Variants in MKLN1 observed in about 807,000 individuals in gnomAD.
MKLN1 encodes the protein muskelin 1.
In MKLN1, 18 loss-of-function variants were observed where a neutral mutation model predicts 99.0. That is an observed-to-expected ratio of 0.18 (90% confidence interval 0.13 to 0.27). The LOEUF is 0.27. MKLN1 is among the 10% of genes least tolerant of loss of function. MKLN1 has a pLI of 1.00. For synonymous variants in MKLN1, 288 were observed against 293.2 expected (o/e 0.98, Z 0.18); for missense variants, 621 against 875.9 (o/e 0.71, Z 3.67).
intron 1 of MKLN1, among the ~76,000 whole-genome samples, chr7:131,353,759 T>C (rs1158099986): frequency 1.3e-5 from 2 of 151,908 alleles, no homozygotes; most frequent in African/African-American, 4.8e-5. Context: ...ATATTTTACA[T>C]TTTCATTCAT....
intron 3 of MKLN1, among the ~76,000 whole-genome samples, chr7:131,228,435 T>A (rs945632291): frequency 6.6e-6 from 1 of 152,206 alleles, no homozygotes; most frequent in African/African-American, 2.4e-5. Flanking sequence ...ATGTCAACAT[T>A]TAAAAAATAG....
rs1795179672 is a variant in MKLN1, at chr7:131,110,621, A to G, written c.-419+414A>G. 2.6e-5 allele frequency among the ~76,000 whole-genome samples: 4 copies of G among 152,192 alleles called. 1 individual carries two copies. In the South Asian group the frequency reaches 8.3e-4, roughly 32 times the overall value. On this transcript the variant is annotated intron_variant, in intron 1 of 7. Coordinates refer to the MKLN1 transcript ENST00000416992. ...AGGGATGGGAAACCTGCCCAACCTC[A>G]CTTTAGCCACGAAAATAATGCTCTT...
chr7:131,246,564 C>T (rs1235330901), intron 3 of MKLN1, among the ~76,000 whole-genome samples: 1 of 151,382 alleles, frequency 6.6e-6, no homozygotes, highest in African/African-American at 2.4e-5. Flanking sequence ...CAGTCTTTGC[C>T]TTTTAATTAT....
rs551424920 is a variant in MKLN1, at chr7:131,363,669, CTTTATT to C, written c.99-11750_99-11745del. 6.2e-3 allele frequency among the ~76,000 whole-genome samples: 938 copies of C among 151,140 alleles called. 1 individual carries two copies. The highest frequency in any genetic ancestry group is 0.017 in the Middle Eastern group (5 of 292). On this transcript the variant is annotated intron_variant, in intron 1 of 17. Transcript: ENST00000352689. The stretch of plus-strand genomic sequence containing the variant: ...TTCCTTTGTGAAGAATAGACTTTTT[CTTTATT>C]TTTACATGAGTGGTTCCTTCTGATT...
Position 131,482,089 on chromosome 7 carries a change from A to G in MKLN1, c.2086+3412A>G, listed in dbSNP as rs1797140146. On this transcript the variant is annotated intron_variant, in intron 17 of 17. Transcript: ENST00000352689. ...TCACTTTGCTAAGTTTAAGAGCTAT[A>G]TCTTATTTCTAGAAAGTATGAATTG... Among the ~76,000 whole-genome samples the G allele has an allele frequency of 2.0e-5, 3 of 152,324 alleles. No individual in the cohort carries two copies. The South Asian group carries it at 6.2e-4, about 32-fold the overall frequency.
At chr7:131,438,115 T>A in intron 10 of MKLN1, 118 bp downstream of exon 10, 1 of 739,886 alleles carries the variant, frequency 1.4e-6, no homozygotes, top group East Asian at 2.6e-5. Flanking sequence ...GACAAATATC[T>A]ATTGACAGTA....
intron 1 of MKLN1, among the ~76,000 whole-genome samples, chr7:131,344,451 T>C (rs528659131): frequency 4.8e-4 from 73 of 152,302 alleles, no homozygotes; most frequent in African/African-American, 1.6e-3. Context: ...ATTAAAAATT[T>C]TAAGTACTCT....
chr7:131,180,072 A>T (rs75744481), intron 2 of MKLN1, among the ~76,000 whole-genome samples: 1 of 152,214 alleles, frequency 6.6e-6, no homozygotes, highest in East Asian at 1.9e-4. Flanking sequence ...AATTTTTATA[A>T]CCTTTTTTCC....
chr7:131,460,331 A>G (rs1198720479), intron 12 of MKLN1, among the ~76,000 whole-genome samples: 1 of 152,222 alleles, frequency 6.6e-6, no homozygotes, highest in African/African-American at 2.4e-5. Flanking sequence ...GTATCAATTA[A>G]GAAAGGTAGT....
At chr7:131,294,049 G>A (rs896575990) in intron 3 of MKLN1, among the ~76,000 whole-genome samples, 7 of 151,916 alleles carry the variant, frequency 4.6e-5, no homozygotes, top group African/African-American at 9.7e-5. Context: ...GTCTCCAAGC[G>A]TTGCTAAAAG....
At chr7:131,360,134 A>G (rs1328811305) in intron 1 of MKLN1, among the ~76,000 whole-genome samples, 1 of 152,116 alleles carries the variant, frequency 6.6e-6, no homozygotes, top group African/African-American at 2.4e-5. Flanking sequence ...CCAGTTTTCT[A>G]TTTAAAGAAT....
intron 1 of MKLN1, among the ~76,000 whole-genome samples, chr7:131,353,810 A>G (rs1188229574): frequency 8.1e-6 from 1 of 123,562 alleles, no homozygotes. Context: ...TTTTAGGTCA[A>G]TTTTTTTTTT....
chr7:131,231,056 G>A (rs1330257994), intron 3 of MKLN1, among the ~76,000 whole-genome samples: 1 of 141,500 alleles, frequency 7.1e-6, no homozygotes, highest in South Asian at 2.3e-4. Context: ...GGAGGCCGAG[G>A]TTGCAGTGAG....
chr7:131,169,454 GTTAATT>G (rs1796185757), intron 2 of MKLN1, among the ~76,000 whole-genome samples: 1 of 152,094 alleles, frequency 6.6e-6, no homozygotes. Context: ...CAGTTTGACT[GTTAATT>G]TTAACTACTT....
intron 1 of MKLN1, among the ~76,000 whole-genome samples, chr7:131,347,645 G>A (rs1799603660): frequency 6.6e-6 from 1 of 152,078 alleles, no homozygotes; most frequent in South Asian, 2.1e-4. Context: ...GAATTTAGAG[G>A]TGAGAGTCAA....
chr7:131,444,471 A>G (rs556767702), intron 11 of MKLN1, among the ~76,000 whole-genome samples: 1 of 151,982 alleles, frequency 6.6e-6, no homozygotes, highest in South Asian at 2.1e-4. Context: ...CCCCCACAAC[A>G]TATTTATGTA....
intron 1 of MKLN1, among the ~76,000 whole-genome samples, chr7:131,335,088 A>T (rs1799213187): frequency 6.6e-6 from 1 of 152,118 alleles, no homozygotes; most frequent in Admixed American, 6.6e-5. Context: ...TGGTCAGATA[A>T]AGCTCTGAGA....
chr7:131,239,374 A>G (rs1274074694), intron 3 of MKLN1, among the ~76,000 whole-genome samples: 1 of 151,414 alleles, frequency 6.6e-6, no homozygotes, highest in Non-Finnish European at 1.5e-5. Context: ...GTGTACTGAC[A>G]CGATCATAGC....
At chr7:131,164,112 T>G (rs1161369790) in intron 2 of MKLN1, among the ~76,000 whole-genome samples, 1 of 152,148 alleles carries the variant, frequency 6.6e-6, no homozygotes, top group Non-Finnish European at 1.5e-5. Context: ...TGCTTTGTTT[T>G]TGTTTTTGTT....
Sources: allele counts gnomAD v4.1 joint callset (sites outside exome capture counted in the v4.1 genomes callset), GRCh38; gene constraint gnomAD v4.1.1; transcripts MANE v1.5; gene names NCBI Gene and HGNC (gene_info 2026-07-23, HGNC 2026-07-21).